HGSNAT: variants seen among roughly 807,000 people sequenced by gnomAD.
HGSNAT encodes the protein heparan-alpha-glucosaminide N-acetyltransferase.
Under a neutral mutation model 85.2 loss-of-function variants are expected in HGSNAT, and 59 were observed. The observed-to-expected ratio is 0.69, with a 90% confidence interval of 0.56 to 0.86. The LOEUF is 0.86. Among genes scored for constraint, HGSNAT ranks in the 40% least tolerant of loss-of-function variants. The pLI is 0.00. For missense variants in HGSNAT, 756 were observed against 777.1 expected (o/e 0.97, Z 0.32); for synonymous variants, 321 against 304.5 (o/e 1.05, Z -0.56).
rs1163502491 is a variant in HGSNAT, at chr8:43,170,689, C to T, written c.738C>T (p.Phe246=). The T allele has an allele frequency of 6.3e-7, 1 of 1,595,926 alleles. No homozygotes were observed. The highest frequency in any genetic ancestry group is 8.5e-7 in the Non-Finnish European group (1 of 1,171,468). Residue 246 remains phenylalanine (F), a synonymous_variant, in exon 7 of 18, where the codon TTC becomes TTT. Transcript: ENST00000379644. Reference sequence around the variant, plus strand: ...CCCGCCTCCGCAGCGTGGACACCTTCAGGGGGTATGTGGGCCTCCCTGTAG... The same window carrying T: ...CCCGCCTCCGCAGCGTGGACACCTTTAGGGGGTATGTGGGCCTCCCTGTAG... ...LPPRLRSVDT[F]RGIALILMVF...
intron 9 of HGSNAT, among the ~76,000 whole-genome samples, chr8:43,177,840 A>G (rs565869616): frequency 1.3e-4 from 20 of 152,266 alleles, no homozygotes; most frequent in Admixed American, 2.6e-4. Flanking sequence ...TCCATTTAAT[A>G]TTAAAGAAAT....
At chr8:43,190,818 T>G (rs1184523505) in intron 11 of HGSNAT, among the ~76,000 whole-genome samples, 1 of 152,226 alleles carries the variant, frequency 6.6e-6, no homozygotes, top group African/African-American at 2.4e-5. Flanking sequence ...ATATTTGCTC[T>G]ATTCAGAGTT....
At chr8:43,184,601 A>G (rs1804243760) in intron 11 of HGSNAT, among the ~76,000 whole-genome samples, 2 of 152,088 alleles carry the variant, frequency 1.3e-5, no homozygotes, top group South Asian at 4.1e-4. Context: ...GTTCACTCTG[A>G]TGGTAGTTTC....
chr8:43,193,287 A>G (rs1010329914), intron 13 of HGSNAT, among the ~76,000 whole-genome samples: 8 of 152,240 alleles, frequency 5.3e-5, no homozygotes, highest in African/African-American at 1.9e-4. Flanking sequence ...CCAGATTTCT[A>G]CAATTTCTGC....
chr8:43,152,448 G>T (rs182712126), intron 2 of HGSNAT, among the ~76,000 whole-genome samples: 3 of 152,270 alleles, frequency 2.0e-5, no homozygotes, highest in Non-Finnish European at 4.4e-5. Context: ...AACAAGCTGA[G>T]AAATGATTTT....
intron 1 of HGSNAT, among the ~76,000 whole-genome samples, chr8:43,140,886 G>C (rs1002775528): frequency 6.6e-6 from 1 of 152,170 alleles, no homozygotes; most frequent in African/African-American, 2.4e-5. Context: ...GCCCACCCCA[G>C]CGGAGCCTGC....
chr8:43,197,811 C>T (rs547965158), intron 16 of HGSNAT, 29 bp from the exon 17 acceptor site: 58 of 1,599,872 alleles, frequency 3.6e-5, no homozygotes, highest in Non-Finnish European at 4.7e-5. Flanking sequence ...TCCGTACGAG[C>T]ACTGAAACGT....
At chr8:43,162,717 A>G (rs1326086910) in intron 5 of HGSNAT, among the ~76,000 whole-genome samples, 4 of 151,236 alleles carry the variant, frequency 2.6e-5, no homozygotes, top group Non-Finnish European at 5.9e-5. Flanking sequence ...ATGCCTGGCT[A>G]ATGGTTTTTT....
chr8:43,146,972 A>C lies in HGSNAT; in HGVS notation c.143A>C (p.Glu48Ala). 6.2e-7 allele frequency: 1 copy of C among 1,602,730 alleles called. No homozygotes were observed. The change falls in exon 2 of 18, where the codon GAG (glutamate) becomes GCG (alanine). Residue 48 changes from glutamate (E) to alanine (A), a missense_variant. Physicochemically the swap from Glu to Ala is moderately radical, Grantham distance 107. Transcript: ENST00000379644. ...PRDLDKKRHA[E>A]LKMDQALLLI... is the part of the protein sequence containing the mutation. ...GACTTAGACAAAAAAAGACATGCAG[A>C]GCTGAAGATGGATCAGGCTTTGCTA...
intron 2 of HGSNAT, among the ~76,000 whole-genome samples, chr8:43,156,312 T>G (rs1348699791): frequency 1.3e-5 from 2 of 152,092 alleles, no homozygotes; most frequent in Non-Finnish European, 2.9e-5. Context: ...TCTTTTAAAT[T>G]TTTTCTTTTC....
intron 11 of HGSNAT, among the ~76,000 whole-genome samples, chr8:43,190,414 T>C (rs1293770621): frequency 6.6e-6 from 1 of 152,220 alleles, no homozygotes; most frequent in African/African-American, 2.4e-5. Flanking sequence ...TTATCTAGTT[T>C]GGGGGGCGTT....
chr8:43,176,468 A>G (rs186532307), intron 9 of HGSNAT, among the ~76,000 whole-genome samples: 90 of 152,312 alleles, frequency 5.9e-4, no homozygotes, highest in African/African-American at 2.1e-3. Flanking sequence ...TATAATTTAA[A>G]GTCAGGTAAT....
intron 9 of HGSNAT, among the ~76,000 whole-genome samples, chr8:43,177,367 C>T (rs548775380): frequency 3.2e-4 from 48 of 151,588 alleles, no homozygotes; most frequent in Non-Finnish European, 5.2e-4. Flanking sequence ...CTGGCTAACA[C>T]GGTGAAACCC....
At chr8:43,155,556 C>T (rs1803064495) in intron 2 of HGSNAT, among the ~76,000 whole-genome samples, 1 of 152,116 alleles carries the variant, frequency 6.6e-6, no homozygotes. Context: ...TTTCTTCACT[C>T]TGTGGATTGC....
At chr8:43,181,830 A>G in intron 10 of HGSNAT, 1 of 319,842 alleles carries the variant, frequency 3.1e-6, no homozygotes, top group Non-Finnish European at 5.8e-6. Flanking sequence ...GGTCAGGCAC[A>G]GGCCTGGCTT....
At chr8:43,171,467 T>A (rs1367647044) in intron 7 of HGSNAT, among the ~76,000 whole-genome samples, 1 of 152,246 alleles carries the variant, frequency 6.6e-6, no homozygotes. Context: ...TATATACTTT[T>A]AATGTGCCTG....
chr8:43,177,544 C>G (rs1025813593), intron 9 of HGSNAT, among the ~76,000 whole-genome samples: 1 of 99,952 alleles, frequency 1.0e-5, no homozygotes, highest in African/African-American at 4.1e-5. Flanking sequence ...GGCAACAGAG[C>G]AAGACTCCGT....
rs1472657362 is a variant in HGSNAT at position 43,154,952 on chromosome 8, G to A, written c.235-3623G>A. ...TTTCTCTGATGGCCAGTGATGATGA[G>A]CATTTTTTCATGTGTTTGTGGGCTG... is the stretch of plus-strand genomic sequence containing the variant. On this transcript the variant is annotated intron_variant, in intron 2 of 17. Coordinates refer to ENST00000379644, the MANE Select transcript of HGSNAT (RefSeq NM_152419.3). Among the ~76,000 whole-genome samples, 3 of 152,248 alleles carry A rather than the reference G, an allele frequency of 2.0e-5. No homozygotes were observed. The East Asian group carries it at 5.8e-4, about 29-fold the overall frequency.
At chr8:43,196,538 C>A (rs1006117861) in intron 14 of HGSNAT, 3 of 1,289,624 alleles carry the variant, frequency 2.3e-6, no homozygotes, top group Non-Finnish European at 3.0e-6. Context: ...GGAGCCTGCC[C>A]AGGTGCCCCT....
Sources: allele counts gnomAD v4.1 joint callset (sites outside exome capture counted in the v4.1 genomes callset), GRCh38; gene constraint gnomAD v4.1.1; transcripts MANE v1.5; gene names NCBI Gene and HGNC (gene_info 2026-07-23, HGNC 2026-07-21).